Variants in RTN4IP1 observed in about 807,000 individuals in gnomAD.
RTN4IP1 encodes the protein NAD(P)H oxidoreductase RTN4IP1, mitochondrial.
Under a neutral mutation model 46.6 loss-of-function variants are expected in RTN4IP1, and 32 were observed. That is an observed-to-expected ratio of 0.69 (90% confidence interval 0.52 to 0.92). RTN4IP1 has a LOEUF of 0.92. Among genes scored for constraint, RTN4IP1 ranks in the 40% least tolerant of loss-of-function variants. The pLI, the probability that RTN4IP1 is intolerant of heterozygous loss-of-function variation, is 0.00. For missense variants in RTN4IP1, 424 were observed against 485.8 expected, an observed-to-expected ratio of 0.87 and a Z score of 1.20; for synonymous variants, 167 against 161.8, an observed-to-expected ratio of 1.03 and a Z score of -0.24.
At chr6:106,617,873 A>G (rs755446836) in intron 4 of RTN4IP1, among the ~76,000 whole-genome samples, 5 of 152,202 alleles carry the variant, frequency 3.3e-5, no homozygotes, top group Non-Finnish European at 7.4e-5. Flanking sequence ...AATAAAACCA[A>G]TGCTGTTGCA....
chr6:106,622,488 C>T (rs1213626557), intron 2 of RTN4IP1, among the ~76,000 whole-genome samples: 2 of 152,110 alleles, frequency 1.3e-5, no homozygotes, highest in African/African-American at 4.8e-5. Context: ...GGGAGTTTAT[C>T]TAAATAGTTT....
chr6:106,604,805 C>T (rs1776023583), intron 4 of RTN4IP1, among the ~76,000 whole-genome samples: 1 of 152,178 alleles, frequency 6.6e-6, no homozygotes, highest in African/African-American at 2.4e-5. Context: ...ATGTAGGCAT[C>T]ACCCATTTGG....
At chr6:106,625,652 CTTT>C (rs1196900070) in intron 1 of RTN4IP1, among the ~76,000 whole-genome samples, 1 of 130,292 alleles carries the variant, frequency 7.7e-6, no homozygotes, top group Non-Finnish European at 1.6e-5. Flanking sequence ...TGGCTTTTTT[CTTT>C]TTTTTCTTTT....
chr6:106,614,891 G>A (rs1037929276), intron 4 of RTN4IP1, among the ~76,000 whole-genome samples: 1 of 152,128 alleles, frequency 6.6e-6, no homozygotes, highest in Non-Finnish European at 1.5e-5. Flanking sequence ...CACTTAGAAA[G>A]CTATTGTATA....
intron 5 of RTN4IP1, among the ~76,000 whole-genome samples, chr6:106,597,695 T>C (rs1775832821): frequency 6.6e-6 from 1 of 151,740 alleles, no homozygotes; most frequent in South Asian, 2.1e-4. Context: ...TTGTTTCTTT[T>C]TTTTTTTTTT....
Position 106,629,467 on chromosome 6 carries a change from C to A in RTN4IP1, c.-446G>T. ...CCCTGGCCCGGAATCTCCTTGCCTG[C>A]CCGCTCTCCTTAGCCGCCGGGATGG... On this transcript the variant is annotated 5_prime_UTR_variant, in exon 1 of 9. Transcript: ENST00000369063. The A allele has an allele frequency of 1.5e-6, 1 of 649,044 alleles. No homozygotes were observed. Among genetic ancestry groups the A allele is most frequent in the East Asian group, 2.8e-5 (1 of 35,640 alleles). 40.2% of individuals were successfully genotyped at this position (649,044 alleles called of 1,614,324 possible).
intron 8 of RTN4IP1, among the ~76,000 whole-genome samples, chr6:106,577,178 T>C (rs1324296143): frequency 3.3e-5 from 5 of 152,150 alleles, no homozygotes; most frequent in African/African-American, 4.8e-5. Context: ...CTCACACCTA[T>C]AATCTTAGCA....
chr6:106,592,942 G>C (rs1352780401), intron 5 of RTN4IP1, among the ~76,000 whole-genome samples: 1 of 145,518 alleles, frequency 6.9e-6, no homozygotes, highest in Non-Finnish European at 1.5e-5. Context: ...AAAAAAAAAA[G>C]CCTCAAATTT....
At chr6:106,621,624 G>A in intron 2 of RTN4IP1, 131 bp from the exon 3 acceptor site, 1 of 657,124 alleles carries the variant, frequency 1.5e-6, no homozygotes, top group Non-Finnish European at 2.7e-6. Flanking sequence ...CACCAAGCAG[G>A]AGTGTTATTT....
chr6:106,614,897 G>T (rs1400388883), intron 4 of RTN4IP1, among the ~76,000 whole-genome samples: 1 of 152,072 alleles, frequency 6.6e-6, no homozygotes, highest in Non-Finnish European at 1.5e-5. Context: ...GAAAGCTATT[G>T]TATAAAACAC....
intron 1 of RTN4IP1, among the ~76,000 whole-genome samples, chr6:106,625,546 G>T (rs1776612964): frequency 6.6e-6 from 1 of 152,082 alleles, no homozygotes; most frequent in Admixed American, 6.6e-5. Context: ...GACATGAGAA[G>T]ACTGAACTCT....
intron 4 of RTN4IP1, among the ~76,000 whole-genome samples, chr6:106,615,597 C>G (rs1776331302): frequency 6.6e-6 from 1 of 152,116 alleles, no homozygotes; most frequent in Non-Finnish European, 1.5e-5. Context: ...GCCTCAGCCT[C>G]CCGAGTAGCT....
At chr6:106,577,841 G>C (rs1456093337) in intron 8 of RTN4IP1, among the ~76,000 whole-genome samples, 2 of 152,116 alleles carry the variant, frequency 1.3e-5, no homozygotes, top group African/African-American at 4.8e-5. Context: ...ACAGCCTCTA[G>C]AAGCTGGAGA....
chr6:106,606,558 A>G (rs1380428822), intron 4 of RTN4IP1, among the ~76,000 whole-genome samples: 5 of 152,136 alleles, frequency 3.3e-5, no homozygotes, highest in African/African-American at 1.2e-4. Flanking sequence ...TTAGGAATAA[A>G]TTTAACCAAG....
At position 106,590,006 on chromosome 6, in the gene RTN4IP1, A is replaced by G. The variant is rs376873460; in HGVS notation, c.807-2144T>C. 5.5e-4 allele frequency among the ~76,000 whole-genome samples: 83 copies of G among 152,286 alleles called. 1 individual carries two copies. The highest frequency in any genetic ancestry group is 1.9e-3 in the African/African-American group (77 of 41,550). ...TCAAGTTCTCCTACTCTCTGGTGAC[A>G]AATTCCAGACATGTATAAAACTTAA... is the stretch of plus-strand genomic sequence containing the variant. On this transcript the variant is annotated intron_variant, in intron 6 of 8. Transcript: ENST00000369063.
intron 1 of RTN4IP1, among the ~76,000 whole-genome samples, 185 bp from the exon 2 acceptor site, chr6:106,623,154 A>G (rs1385339302): frequency 1.3e-5 from 2 of 152,088 alleles, no homozygotes; most frequent in African/African-American, 4.8e-5. Context: ...CATGGACTCA[A>G]CCTAACTACC....
At chr6:106,629,600 GC>G, upstream of RTN4IP1, 1 of 1,514,004 alleles carries the variant, frequency 6.6e-7, no homozygotes, top group African/African-American at 1.4e-5. Flanking sequence ...AGATGGCTGC[GC>G]CCATGTAACA....
At chr6:106,583,446 C>G in intron 7 of RTN4IP1, 26 bp from the exon 8 acceptor site, 1 of 1,563,368 alleles carries the variant, frequency 6.4e-7, no homozygotes, top group Non-Finnish European at 8.8e-7. Context: ...CAAAACATGT[C>G]AAATACAGAA....
At chr6:106,597,406 G>A (rs1048511045) in intron 5 of RTN4IP1, among the ~76,000 whole-genome samples, 2 of 152,110 alleles carry the variant, frequency 1.3e-5, no homozygotes, top group South Asian at 2.1e-4. Context: ...GTGCAGTGGT[G>A]TGATCACAGC....
Sources: gnomAD v4.1 joint callset for allele counts (sites outside exome capture counted in the v4.1 genomes callset) on GRCh38, gnomAD v4.1.1 for gene constraint, MANE v1.5 for transcripts, NCBI Gene and HGNC (gene_info 2026-07-23, HGNC 2026-07-21) for gene names.